SLC20A2: variants seen among roughly 807,000 people sequenced by gnomAD.
SLC20A2 encodes the protein sodium-dependent phosphate transporter 2.
A neutral mutation model predicts 61.0 loss-of-function variants in SLC20A2; 30 were observed. That is an observed-to-expected ratio of 0.49 (90% CI 0.37 to 0.67). The LOEUF is 0.67. Among genes scored for constraint, SLC20A2 ranks in the 30% least tolerant of loss-of-function variants. The pLI, the probability that SLC20A2 is intolerant of heterozygous loss-of-function variation, is 0.00. For missense variants in SLC20A2, 626 were observed against 866.4 expected (o/e 0.72, Z 3.48); for synonymous variants, 351 against 353.3 (o/e 0.99, Z 0.07).
At chr8:42,494,939 C>T (rs1809804147) in intron 1 of SLC20A2, among the ~76,000 whole-genome samples, 3 of 151,972 alleles carry the variant, frequency 2.0e-5, no homozygotes, top group Non-Finnish European at 4.4e-5. Context: ...CTCTGCCTCC[C>T]GGGTTCAAGC....
intron 1 of SLC20A2, among the ~76,000 whole-genome samples, chr8:42,519,443 T>TAAAAAAAAAAAAAAAAA (rs11284092): frequency 2.2e-5 from 3 of 136,412 alleles, no homozygotes; most frequent in Admixed American, 1.4e-4. Flanking sequence ...GACTCCATCT[T>TAAAAAAAAAAAAAAAAA]AAAAAAAAAA....
At chr8:42,506,364 G>A (rs1268247714) in intron 1 of SLC20A2, among the ~76,000 whole-genome samples, 3 of 152,160 alleles carry the variant, frequency 2.0e-5, no homozygotes, top group Admixed American at 2.0e-4. Context: ...TGGCTTCCTC[G>A]CCTGTAAAAT....
rs1435766732 is a variant in SLC20A2, at chr8:42,439,581, G to C, written c.803C>G (p.Ser268Cys). ...ACCTGGTAGCTCTTTAAATACTGGG[G>C]ACTCTGCTTCCTGAACCTTACTGAG... The part of the protein sequence containing the change: ...ESLSKVQEAE[S>C]PVFKELPGAK... Residue 268 changes from serine (S) to cysteine (C), a missense_variant, in exon 7 of 11, where the codon TCC becomes TGC. By Grantham distance (112) the Ser-to-Cys change is moderately radical (BLOSUM62 -1). Transcript: ENST00000520262. 2 of 1,614,044 alleles carry C rather than the reference G, an allele frequency of 1.2e-6. No homozygotes were observed. The highest frequency in any genetic ancestry group is 2.7e-5 in the African/African-American group (2 of 74,926).
chr8:42,427,415 G>A (rs568557132), intron 10 of SLC20A2, among the ~76,000 whole-genome samples: 5 of 152,262 alleles, frequency 3.3e-5, no homozygotes, highest in African/African-American at 4.8e-5. Context: ...TGTGGGAAGC[G>A]GCTCAACTCT....
At chr8:42,477,583 G>C (rs1437480748) in intron 1 of SLC20A2, among the ~76,000 whole-genome samples, 2 of 147,680 alleles carry the variant, frequency 1.4e-5, no homozygotes, top group African/African-American at 5.0e-5. Context: ...CAATTCTCCT[G>C]CCTCAGCCTC....
At chr8:42,497,645 C>T (rs183775406) in intron 1 of SLC20A2, among the ~76,000 whole-genome samples, 2 of 151,968 alleles carry the variant, frequency 1.3e-5, no homozygotes, top group Admixed American at 1.3e-4. Flanking sequence ...CATTTGTTTC[C>T]TCTTCCAGGC....
In SLC20A2 at chr8:42,437,622, T is replaced by C. The variant is rs554622605; in HGVS notation, c.935-45A>G. 8.4e-4 allele frequency: 1,251 copies of C among 1,486,072 alleles called. 4 individuals are homozygous for C. The highest frequency in any genetic ancestry group is 3.7e-3 in the South Asian group (270 of 73,606). The allele number at this position is 1,486,072 out of a possible 1,614,324, so 92.1% of individuals were successfully genotyped here. A position where few individuals can be genotyped will look rare whatever the true frequency, so the allele number is the denominator to read the frequency against. On this transcript the variant is annotated intron_variant, in intron 7 of 10. Transcript: ENST00000520262. This position sits in a 1 kb window ranked among gnomAD's most constrained non-coding sequence, Gnocchi z 6.4. ...GTCTCATTTTCCAGTCTTTTTTTTT[T>C]TTTTCTTTTCTTTTTGAGACGGAGC...
intron 8 of SLC20A2, among the ~76,000 whole-genome samples, chr8:42,435,150 T>C (rs1804153951): frequency 6.6e-6 from 1 of 152,212 alleles, no homozygotes; most frequent in African/African-American, 2.4e-5. Flanking sequence ...CAGAGCATGC[T>C]GTCTCCAAGA....
At chr8:42,514,492 T>C (rs554750430) in intron 1 of SLC20A2, among the ~76,000 whole-genome samples, 1 of 152,296 alleles carries the variant, frequency 6.6e-6, no homozygotes. Flanking sequence ...GCGCGGTGGC[T>C]CATGCCTGTA....
chr8:42,504,541 A>G (rs1810516348), upstream of SLC20A2, among the ~76,000 whole-genome samples: 1 of 152,116 alleles, frequency 6.6e-6, no homozygotes, highest in Non-Finnish European at 1.5e-5. Flanking sequence ...TTAGTTATAA[A>G]ATCATATAAT....
At chr8:42,438,081 A>AAAAAAAAAAAC (rs1563455908) in intron 7 of SLC20A2, among the ~76,000 whole-genome samples, 1 of 149,926 alleles carries the variant, frequency 6.7e-6, no homozygotes, top group Non-Finnish European at 1.5e-5. Flanking sequence ...AAAAAAAAAA[A>AAAAAAAAAAAC]AAAAAAAACA....
intron 1 of SLC20A2, among the ~76,000 whole-genome samples, chr8:42,499,325 G>GC (rs1810169014): frequency 1.3e-5 from 2 of 152,202 alleles, no homozygotes; most frequent in African/African-American, 4.8e-5. Context: ...GGTAGAAGCA[G>GC]CGAAGAGAAT....
chr8:42,484,367 C>T (rs1808782218), intron 1 of SLC20A2, among the ~76,000 whole-genome samples: 1 of 152,196 alleles, frequency 6.6e-6, no homozygotes, highest in Admixed American at 6.5e-5. Context: ...AGCAGTTCCT[C>T]TCATCTTCTA....
chr8:42,501,738 C>G (rs943100406), upstream of SLC20A2, among the ~76,000 whole-genome samples: 1 of 152,228 alleles, frequency 6.6e-6, no homozygotes, highest in Non-Finnish European at 1.5e-5. Context: ...TATGAAGACA[C>G]AGATTCAGTA....
At chr8:42,514,561 C>T (rs1381040624) in intron 1 of SLC20A2, among the ~76,000 whole-genome samples, 1 of 152,006 alleles carries the variant, frequency 6.6e-6, no homozygotes, top group Non-Finnish European at 1.5e-5. Flanking sequence ...AGTTAGAGAC[C>T]AGCCTGGCCA....
intron 10 of SLC20A2, among the ~76,000 whole-genome samples, chr8:42,418,914 C>T (rs1382416835): frequency 1.4e-5 from 2 of 146,500 alleles, no homozygotes; most frequent in African/African-American, 5.0e-5. Flanking sequence ...GGGAGAATGG[C>T]GTGAACCTGG....
chr8:42,487,402 C>A (rs917237000), intron 1 of SLC20A2, among the ~76,000 whole-genome samples: 4 of 151,740 alleles, frequency 2.6e-5, no homozygotes, highest in Non-Finnish European at 5.9e-5. Flanking sequence ...TGGTCTCGAT[C>A]TCCTGACCTC....
chr8:42,511,571 G>A (rs1263123390), intron 1 of SLC20A2, among the ~76,000 whole-genome samples: 1 of 151,452 alleles, frequency 6.6e-6, no homozygotes, highest in Non-Finnish European at 1.5e-5. Context: ...AGGCTGCAGT[G>A]AGCCAAGATC....
At chr8:42,452,162 TGG>T (rs1234171953) in intron 5 of SLC20A2, among the ~76,000 whole-genome samples, 1 of 80,404 alleles carries the variant, frequency 1.2e-5, no homozygotes, top group Non-Finnish European at 2.4e-5. Context: ...GAGGAAGAGA[TGG>T]AGGAGGAGGA....
Sources: gnomAD v4.1 joint callset for allele counts (sites outside exome capture counted in the v4.1 genomes callset) on GRCh38, gnomAD v4.1.1 for gene constraint, Gnocchi (gnomAD v3.1) non-coding constraint, MANE v1.5 for transcripts, NCBI Gene and HGNC (gene_info 2026-07-23, HGNC 2026-07-21) for gene names.